PAPPA2: variants seen among roughly 807,000 people sequenced by gnomAD.
The protein encoded by PAPPA2 is pappalysin 2, also known as pappalysin-2.
In PAPPA2, 86 loss-of-function variants were observed where a neutral mutation model predicts 176.4. The ratio of observed to expected loss-of-function variants is 0.49; its 90% confidence interval spans 0.41 to 0.58. The LOEUF is 0.58. Ranked by LOEUF, PAPPA2 falls within the 20% of genes least tolerant of loss-of-function variation. The pLI is 0.00. For missense variants in PAPPA2, 2,073 were observed against 2,256.9 expected (o/e 0.92, Z 1.65); for synonymous variants, 809 against 852.2 (o/e 0.95, Z 0.88).
chr1:176,716,235 T>TC, intron 12 of PAPPA2, among the ~76,000 whole-genome samples: 1 of 150,436 alleles, frequency 6.6e-6, no homozygotes, highest in Middle Eastern at 3.4e-3. Context: ...CTCTTTCTTT[T>TC]TTTTTTTTTT....
chr1:176,739,481 A>G (rs546627174), intron 12 of PAPPA2, 145 bp from the exon 13 acceptor site: 1 of 758,792 alleles, frequency 1.3e-6, no homozygotes, highest in South Asian at 2.3e-5. Flanking sequence ...TTCTGTGTCT[A>G]CTCCATATTT....
intron 10 of PAPPA2, among the ~76,000 whole-genome samples, chr1:176,707,711 A>G (rs1660937375): frequency 6.6e-6 from 1 of 152,090 alleles, no homozygotes; most frequent in African/African-American, 2.4e-5. Flanking sequence ...AAGGACATAC[A>G]ATGAAATCTT....
intron 20 of PAPPA2, among the ~76,000 whole-genome samples, chr1:176,796,494 C>G (rs1282494832): frequency 6.6e-6 from 1 of 152,166 alleles, no homozygotes; most frequent in Admixed American, 6.5e-5. Flanking sequence ...TTATTGTTGG[C>G]TATTCTTGAG....
intron 11 of PAPPA2, among the ~76,000 whole-genome samples, chr1:176,710,453 G>A (rs1273762976): frequency 1.3e-5 from 2 of 152,062 alleles, no homozygotes; most frequent in Non-Finnish European, 2.9e-5. Context: ...GATCAAATAA[G>A]CTTTAAAATA....
In PAPPA2 at chr1:176,556,441, T is replaced by G. The variant is rs1356935221; in HGVS notation, c.119T>G (p.Leu40Arg). ...RKKSLVEREHLNQVLLEGERC... is the reference protein window; with the variant it reads ...RKKSLVEREHRNQVLLEGERC... Reference sequence around the variant, plus strand: ...AAATCCTTGGTTGAGAGGGAACACCTGAATCAGGTGCTGTTGGAAGGAGAA... The same window carrying G: ...AAATCCTTGGTTGAGAGGGAACACCGGAATCAGGTGCTGTTGGAAGGAGAA... The change falls in exon 2 of 23, where the codon CTG becomes CGG. Residue 40 changes from leucine to arginine, a missense_variant. Physicochemically the swap from Leu to Arg is moderately radical, Grantham distance 102. This residue lies in a region of PAPPA2 where 1,196 missense variants were observed against 1,330.4 expected (regional missense o/e 0.90). Transcript: ENST00000367662. 6.2e-7 allele frequency: 1 copy of G among 1,614,202 alleles called. No homozygotes were observed. The highest frequency in any genetic ancestry group is 1.1e-5 in the South Asian group (1 of 91,080).
chr1:176,800,668 TGA>T (rs1424746018), intron 21 of PAPPA2, among the ~76,000 whole-genome samples: 1 of 152,200 alleles, frequency 6.6e-6, no homozygotes, highest in African/African-American at 2.4e-5. Context: ...CTGGCAACCG[TGA>T]TGACAATTAG....
rs73042694 is a variant in PAPPA2, at chr1:176,512,656, G to A, written c.-916-42751G>A. Reference sequence around the variant, plus strand: ...AAAGCTTTTTAGGGTGATGAAAATAGTCTACATTTTTATTAATGTATTGAT... The same window carrying A: ...AAAGCTTTTTAGGGTGATGAAAATAATCTACATTTTTATTAATGTATTGAT... On this transcript the variant is annotated intron_variant, in intron 1 of 22. Transcript: ENST00000367662. Among the ~76,000 whole-genome samples, 601 of 152,184 alleles carry A rather than the reference G, an allele frequency of 3.9e-3. 4 individuals carry two copies. The highest frequency in any genetic ancestry group is 0.014 in the Middle Eastern group (4 of 292).
intron 1 of PAPPA2, among the ~76,000 whole-genome samples, chr1:176,535,983 G>A (rs1449361994): frequency 6.6e-6 from 1 of 152,092 alleles, no homozygotes; most frequent in Non-Finnish European, 1.5e-5. Flanking sequence ...ACACTGTAAC[G>A]TCCCAGGGAA....
At chr1:176,778,739 A>G (rs1253506799) in intron 17 of PAPPA2, among the ~76,000 whole-genome samples, 3 of 152,202 alleles carry the variant, frequency 2.0e-5, no homozygotes, top group South Asian at 2.1e-4. Context: ...AACACACATT[A>G]ATCTCTATGT....
rs55858181 is a variant in PAPPA2 at position 176,809,951 on chromosome 1, AGTGTGTGTGT to A, written c.5202+9860_5202+9869del. Among the ~76,000 whole-genome samples the A allele has an allele frequency of 1.0e-2, 1,336 of 133,708 alleles. 8 individuals are homozygous for A. Among genetic ancestry groups the A allele is most frequent in the South Asian group, 0.021 (76 of 3,602 alleles). The allele number at this position is 133,708 out of a possible 152,430, so 87.7% of individuals were successfully genotyped here. ...TCTCCTTATTTTTAGGACAAGATGCAGTGTGTGTGTGTGTGTGTGTGTGTGTGTGTGTGTG... is the reference window on the plus strand; with the variant it reads ...TCTCCTTATTTTTAGGACAAGATGCAGTGTGTGTGTGTGTGTGTGTGTGTG... On this transcript the variant is annotated intron_variant, in intron 21 of 22. Transcript: ENST00000367662.
intron 21 of PAPPA2, among the ~76,000 whole-genome samples, chr1:176,838,047 C>T (rs1414092416): frequency 6.6e-6 from 1 of 152,116 alleles, no homozygotes; most frequent in Non-Finnish European, 1.5e-5. Flanking sequence ...TTTCTATAAA[C>T]TTCGTTCTCT....
chr1:176,676,592 T>A (rs1659311366), intron 4 of PAPPA2, among the ~76,000 whole-genome samples: 1 of 152,008 alleles, frequency 6.6e-6, no homozygotes, highest in South Asian at 2.1e-4. Context: ...CACTACATGG[T>A]TGGAGGTTGA....
chr1:176,681,967 C>A (rs1659607699), intron 4 of PAPPA2, among the ~76,000 whole-genome samples: 1 of 152,028 alleles, frequency 6.6e-6, no homozygotes, highest in Admixed American at 6.6e-5. Context: ...TGGGAGAAGG[C>A]AAAGCAGCAG....
At chr1:176,742,695 A>G (rs1294280205) in intron 14 of PAPPA2, among the ~76,000 whole-genome samples, 2 of 152,192 alleles carry the variant, frequency 1.3e-5, no homozygotes, top group Non-Finnish European at 2.9e-5. Flanking sequence ...ATCCCTATGT[A>G]TTCTCAAAGA....
rs144392480 is a variant in PAPPA2, at chr1:176,631,270, A to G, written c.1991+35675A>G. On this transcript the variant is annotated intron_variant, in intron 3 of 22. Coordinates refer to ENST00000367662, the MANE Select transcript of PAPPA2 (RefSeq NM_020318.3). Reference sequence around the variant, plus strand: ...ATGGATGAAACTTGAAAACATGCCAAATGAAAGAAACAAATCACAAAAGAT... The same window carrying G: ...ATGGATGAAACTTGAAAACATGCCAGATGAAAGAAACAAATCACAAAAGAT... Among the ~76,000 whole-genome samples, 142 of 152,326 alleles carry G rather than the reference A, an allele frequency of 9.3e-4. 1 individual carries two copies. Among genetic ancestry groups the G allele is most frequent in the African/African-American group, 2.9e-3 (120 of 41,582 alleles).
chr1:176,615,556 T>G (rs1312375681), intron 3 of PAPPA2, among the ~76,000 whole-genome samples: 3 of 152,186 alleles, frequency 2.0e-5, no homozygotes, highest in Admixed American at 6.5e-5. Context: ...CTCGATATCC[T>G]GACCTCGTGA....
chr1:176,722,439 T>C (rs1661668807), intron 12 of PAPPA2, among the ~76,000 whole-genome samples: 1 of 106,864 alleles, frequency 9.4e-6, no homozygotes, highest in African/African-American at 4.0e-5. Context: ...TTTTTTTTTT[T>C]AGTTTTTTCT....
intron 4 of PAPPA2, among the ~76,000 whole-genome samples, chr1:176,678,309 T>C (rs184725476): frequency 1.3e-4 from 20 of 152,314 alleles, no homozygotes; most frequent in African/African-American, 4.8e-4. Context: ...GGGCATATAA[T>C]TTTATTTTAA....
At chr1:176,671,147 A>T in intron 4 of PAPPA2, 32 bp downstream of exon 4, 1 of 1,605,814 alleles carries the variant, frequency 6.2e-7, no homozygotes, top group Non-Finnish European at 8.5e-7. Context: ...CATAGTAGGA[A>T]AAAAACAAAG....
Sources: allele counts gnomAD v4.1 joint callset (sites outside exome capture counted in the v4.1 genomes callset), GRCh38; gene constraint gnomAD v4.1.1; regional missense constraint gnomAD v4.1.1; transcripts MANE v1.5; gene names NCBI Gene and HGNC (gene_info 2026-07-23, HGNC 2026-07-21).